CCDC192: variants seen among roughly 807,000 people sequenced by gnomAD.
The protein encoded by CCDC192 is coiled-coil domain containing 192.
At chr5:127,874,270 C>T (rs139317611) in intron 5 of CCDC192, among the ~76,000 whole-genome samples, 3 of 152,302 alleles carry the variant, frequency 2.0e-5, no homozygotes, top group East Asian at 3.9e-4. Flanking sequence ...CTACCATTCT[C>T]CTTCGAGTAA....
intron 5 of CCDC192, among the ~76,000 whole-genome samples, chr5:127,875,175 G>A (rs1407235893): frequency 6.6e-6 from 1 of 151,850 alleles, no homozygotes; most frequent in Non-Finnish European, 1.5e-5. Flanking sequence ...CTTACAGATG[G>A]GAAAAAAAAT....
At chr5:127,866,800 T>C (rs1490164836) in intron 5 of CCDC192, among the ~76,000 whole-genome samples, 2 of 152,182 alleles carry the variant, frequency 1.3e-5, no homozygotes, top group Non-Finnish European at 2.9e-5. Flanking sequence ...CTAAATTAAC[T>C]CTGCCACAAG....
intron 5 of CCDC192, among the ~76,000 whole-genome samples, chr5:127,865,390 G>C (rs1430422555): frequency 1.3e-5 from 2 of 151,944 alleles, no homozygotes; most frequent in East Asian, 3.9e-4. Flanking sequence ...CACAGAGCAG[G>C]ACTGACACCT....
intron 2 of CCDC192, among the ~76,000 whole-genome samples, chr5:127,728,213 G>A (rs1352227949): frequency 6.6e-6 from 1 of 152,108 alleles, no homozygotes; most frequent in African/African-American, 2.4e-5. Flanking sequence ...GATACTCCAT[G>A]AAAAGGTCAA....
chr5:127,710,044 G>A (rs1032866393), intron 2 of CCDC192, among the ~76,000 whole-genome samples: 4 of 152,172 alleles, frequency 2.6e-5, no homozygotes, highest in Non-Finnish European at 5.9e-5. Flanking sequence ...TAGCTTCCTG[G>A]AGTTCAGAAT....
At chr5:127,933,872 T>C (rs537511345) in intron 6 of CCDC192, among the ~76,000 whole-genome samples, 37 of 152,334 alleles carry the variant, frequency 2.4e-4, no homozygotes, top group African/African-American at 8.9e-4. Flanking sequence ...GCACCATCTA[T>C]GAGGAATGGG....
chr5:127,808,993 A>G (rs964487315), intron 5 of CCDC192, among the ~76,000 whole-genome samples: 1 of 152,206 alleles, frequency 6.6e-6, no homozygotes, highest in Admixed American at 6.6e-5. Flanking sequence ...TCCAAAAAAG[A>G]TACTAAGAGA....
intron 5 of CCDC192, among the ~76,000 whole-genome samples, chr5:127,851,030 G>A (rs374808916): frequency 3.3e-5 from 5 of 152,130 alleles, no homozygotes; most frequent in East Asian, 3.8e-4. Flanking sequence ...GCAACAAGAA[G>A]CACCTGTCCC....
chr5:127,826,240 T>C (rs1383971019), intron 5 of CCDC192, among the ~76,000 whole-genome samples: 1 of 152,100 alleles, frequency 6.6e-6, no homozygotes, highest in East Asian at 1.9e-4. Context: ...AGATACCATC[T>C]CACACGAGTC....
At position 127,872,753 on chromosome 5, in the gene CCDC192, A is replaced by G. The variant is rs531285846; in HGVS notation, c.412-2785A>G. ...TTCTTCATGTTATCTTGAGAACAAC[A>G]TTGTTTGACTCAGCTTCCTCTCCTT... On this transcript the variant is annotated intron_variant, in intron 5 of 6. Transcript: ENST00000514853. Among the ~76,000 whole-genome samples the G allele has an allele frequency of 4.1e-4, 62 of 152,250 alleles. 2 individuals carry two copies. Among genetic ancestry groups the G allele is most frequent in the Admixed American group, 6.5e-4 (10 of 15,292 alleles).
At chr5:127,763,198 C>T (rs527313458) in intron 3 of CCDC192, among the ~76,000 whole-genome samples, 103 of 152,308 alleles carry the variant, frequency 6.8e-4, no homozygotes, top group African/African-American at 2.4e-3. Flanking sequence ...TTCTCACAGA[C>T]AACTCAAGCT....
intron 5 of CCDC192, among the ~76,000 whole-genome samples, chr5:127,799,191 G>T (rs1757340036): frequency 6.6e-6 from 1 of 152,136 alleles, no homozygotes; most frequent in Admixed American, 6.6e-5. Flanking sequence ...CCAAAAGACT[G>T]CAAGATAATA....
intron 3 of CCDC192, among the ~76,000 whole-genome samples, chr5:127,779,539 C>G (rs960049402): frequency 5.3e-5 from 8 of 152,224 alleles, no homozygotes; most frequent in Admixed American, 2.6e-4. Context: ...CTGTGATCCA[C>G]CCGCCTCAGC....
intron 6 of CCDC192, among the ~76,000 whole-genome samples, chr5:127,877,816 C>T (rs1752143644): frequency 6.6e-6 from 1 of 152,036 alleles, no homozygotes; most frequent in South Asian, 2.1e-4. Context: ...GGACCTAGAA[C>T]ACCACCACTC....
At chr5:127,775,981 C>T (rs907829121) in intron 3 of CCDC192, among the ~76,000 whole-genome samples, 18 of 152,182 alleles carry the variant, frequency 1.2e-4, no homozygotes, top group African/African-American at 3.9e-4. Context: ...ATAAATTACC[C>T]AGTCTGGGGT....
chr5:127,742,350 C>T (rs1480730351), intron 2 of CCDC192, among the ~76,000 whole-genome samples: 2 of 152,154 alleles, frequency 1.3e-5, no homozygotes, highest in East Asian at 3.9e-4. Context: ...TTTATTCTAT[C>T]AGTAATGCTA....
intron 6 of CCDC192, among the ~76,000 whole-genome samples, chr5:127,938,894 T>G (rs1273522729): frequency 1.3e-5 from 2 of 150,968 alleles, no homozygotes; most frequent in Non-Finnish European, 1.5e-5. Context: ...CCTCCTGCCA[T>G]ATGGACTCCC....
At chr5:127,882,766 G>T (rs183250964) in intron 6 of CCDC192, among the ~76,000 whole-genome samples, 1 of 152,172 alleles carries the variant, frequency 6.6e-6, no homozygotes, top group Non-Finnish European at 1.5e-5. Flanking sequence ...CATTTAGAGA[G>T]AGGTCATGTT....
chr5:127,729,657 C>G (rs1752527589), intron 2 of CCDC192, among the ~76,000 whole-genome samples: 1 of 152,092 alleles, frequency 6.6e-6, no homozygotes, highest in African/African-American at 2.4e-5. Flanking sequence ...GAACTGAAAT[C>G]ATAACAAACA....
Sources: gnomAD v4.1 joint callset for allele counts (sites outside exome capture counted in the v4.1 genomes callset) on GRCh38, gnomAD v4.1.1 for gene constraint, MANE v1.5 for transcripts, NCBI Gene and HGNC (gene_info 2026-07-23, HGNC 2026-07-21) for gene names.